FOXO1: variants seen among roughly 807,000 people sequenced by gnomAD.
FOXO1 encodes the protein forkhead box protein O1.
Under a neutral mutation model 44.1 loss-of-function variants are expected in FOXO1, and 6 were observed. The ratio of observed to expected loss-of-function variants is 0.14; its 90% CI spans 0.07 to 0.27. The LOEUF (loss-of-function observed/expected upper bound fraction) is 0.27. Among genes scored for constraint, FOXO1 ranks in the 10% least tolerant of loss-of-function variants. The probability of loss-of-function intolerance (pLI) is 1.00; values close to 1 mark genes in which losing one functional copy is unlikely to be tolerated. For synonymous variants in FOXO1, 380 were observed against 362.7 expected, an observed-to-expected ratio of 1.05 and a Z score of -0.54; for missense variants, 737 against 888.8, an observed-to-expected ratio of 0.83 and a Z score of 2.17.
rs1414177524 is a variant in FOXO1 at position 40,559,854 on chromosome 13, A to G, written c.1637T>C (p.Met546Thr). The G allele has an allele frequency of 6.2e-7, 1 of 1,614,100 alleles. No homozygotes were observed. Residue 546 changes from methionine to threonine, a missense_variant, in exon 2 of 3, where the codon ATG (methionine) becomes ACG (threonine). By Grantham distance (81) the Met-to-Thr change is moderately conservative. Around this residue, in one of 7 missense-constraint regions of FOXO1, gnomAD observed 283 missense variants for 278.1 expected, o/e 1.02. Coordinates refer to ENST00000379561, the MANE Select transcript of FOXO1 (RefSeq NM_002015.4). ...GCGGTTCATACCCGAGGTGTGGGGC[A>G]TGGTGCTTACCGTGTGGGGCAGGGG... ...GRPLPHTVST[M>T]PHTSGMNRLT...
chr13:40,580,894 C>A (rs1036382929), intron 1 of FOXO1, among the ~76,000 whole-genome samples: 1 of 152,216 alleles, frequency 6.6e-6, no homozygotes, highest in African/African-American at 2.4e-5. Context: ...CCCTGAAGAA[C>A]AAGGTGAGGC....
At chr13:40,638,418 T>C (rs1161366493) in intron 1 of FOXO1, among the ~76,000 whole-genome samples, 3 of 152,232 alleles carry the variant, frequency 2.0e-5, no homozygotes, top group Non-Finnish European at 4.4e-5. Flanking sequence ...TTGTCATTTT[T>C]AAATGTCTGT....
chr13:40,621,276 T>C lies in FOXO1; in HGVS notation c.630+44307A>G, dbSNP rs1282681667. 1.2e-5 allele frequency: 9 copies of C among 768,414 alleles called. No homozygotes were observed. In the East Asian group the frequency reaches 3.7e-4, roughly 32 times the overall value. The allele number at this position is 768,414 out of a possible 1,614,324, so 47.6% of individuals were successfully genotyped here. On this transcript the variant is annotated intron_variant, in intron 1 of 2. Coordinates refer to ENST00000379561, the MANE Select transcript of FOXO1 (RefSeq NM_002015.4). ...ATTTCATATTCATTGTACTGACCGA[T>C]GGCTCTCAGAGAATTTCACTTGTCC... is the stretch of plus-strand genomic sequence containing the variant.
intron 1 of FOXO1, among the ~76,000 whole-genome samples, chr13:40,575,840 C>T (rs572833951): frequency 2.0e-5 from 3 of 152,228 alleles, no homozygotes; most frequent in East Asian, 1.9e-4. Flanking sequence ...AAAGGAAAGG[C>T]CCTACGCTGG....
chr13:40,580,848 C>G (rs777150487), intron 1 of FOXO1, among the ~76,000 whole-genome samples: 1 of 152,188 alleles, frequency 6.6e-6, no homozygotes, highest in Non-Finnish European at 1.5e-5. Context: ...AAAATAAGTT[C>G]AAGTCCCTAA....
At chr13:40,564,959 C>T (rs1181720826) in intron 1 of FOXO1, among the ~76,000 whole-genome samples, 2 of 150,622 alleles carry the variant, frequency 1.3e-5, no homozygotes, top group African/African-American at 2.4e-5. Context: ...CGGGGAACCC[C>T]GACATGGTGT....
intron 1 of FOXO1, among the ~76,000 whole-genome samples, chr13:40,655,728 C>T (rs1877839477): frequency 6.7e-6 from 1 of 148,878 alleles, no homozygotes; most frequent in Non-Finnish European, 1.5e-5. Context: ...CTACAGCCTC[C>T]ACCTCACAGG....
intron 1 of FOXO1, among the ~76,000 whole-genome samples, chr13:40,583,705 T>C (rs1875041466): frequency 6.6e-6 from 1 of 152,252 alleles, no homozygotes; most frequent in Non-Finnish European, 1.5e-5. Context: ...AACATGGCTT[T>C]GGCTTAAAGG....
At chr13:40,567,148 G>T (rs1874301499) in intron 1 of FOXO1, among the ~76,000 whole-genome samples, 2 of 151,854 alleles carry the variant, frequency 1.3e-5, no homozygotes, top group Non-Finnish European at 2.9e-5. Context: ...TCAGCCACGG[G>T]TCTCCACACC....
chr13:40,609,422 T>C (rs773097498), intron 1 of FOXO1, among the ~76,000 whole-genome samples: 1 of 152,180 alleles, frequency 6.6e-6, no homozygotes, highest in Non-Finnish European at 1.5e-5. Context: ...AGAATGTGTA[T>C]AGAATTATGC....
chr13:40,618,140 G>T (rs1018795973), intron 1 of FOXO1, among the ~76,000 whole-genome samples: 1 of 152,036 alleles, frequency 6.6e-6, no homozygotes, highest in South Asian at 2.1e-4. Flanking sequence ...GTGCAGTGGC[G>T]CAATCTCAGC....
At chr13:40,625,903 AAG>A (rs907453761) in intron 1 of FOXO1, among the ~76,000 whole-genome samples, 1 of 152,186 alleles carries the variant, frequency 6.6e-6, no homozygotes, top group Non-Finnish European at 1.5e-5. Flanking sequence ...ATTCAAACAA[AAG>A]AGTTTTAAAT....
chr13:40,645,322 G>C (rs1448769672), intron 1 of FOXO1, among the ~76,000 whole-genome samples: 1 of 152,136 alleles, frequency 6.6e-6, no homozygotes, highest in Non-Finnish European at 1.5e-5. Flanking sequence ...ACTATGGTAA[G>C]ACAAACACAT....
chr13:40,642,763 A>G (rs754587529), intron 1 of FOXO1, among the ~76,000 whole-genome samples: 4 of 152,026 alleles, frequency 2.6e-5, no homozygotes, highest in Non-Finnish European at 5.9e-5. Context: ...TACCAAAAAT[A>G]CAAAAAAGTA....
At chr13:40,611,163 G>C (rs1395398937) in intron 1 of FOXO1, 1 of 407,382 alleles carries the variant, frequency 2.5e-6, no homozygotes, top group Non-Finnish European at 4.9e-6. Flanking sequence ...TATATTCTCA[G>C]AACAATGAGT....
chr13:40,559,994 G>T lies in FOXO1; in HGVS notation c.1497C>A (p.Gly499=). ...SRVLGQNVMM[G]PNSVMSTYGS... ...CATAGGTTGACATGACCGAATTAGG[G>T]CCCATCATGACGTTCTGGCCCAGAA... Residue 499 remains glycine, a synonymous_variant, in exon 2 of 3, where the codon GGC becomes GGA. Coordinates refer to ENST00000379561, the MANE Select transcript of FOXO1 (RefSeq NM_002015.4). The T allele has an allele frequency of 6.2e-7, 1 of 1,614,110 alleles. No individual in the cohort carries two copies. Among genetic ancestry groups the T allele is most frequent in the Non-Finnish European group, 8.5e-7 (1 of 1,180,042 alleles).
chr13:40,643,537 G>C (rs1593412397), intron 1 of FOXO1, among the ~76,000 whole-genome samples: 1 of 151,992 alleles, frequency 6.6e-6, no homozygotes. Flanking sequence ...CATGCTGCCA[G>C]GTTATTTCCC....
chr13:40,646,610 T>C (rs575616530), intron 1 of FOXO1, among the ~76,000 whole-genome samples: 1 of 152,358 alleles, frequency 6.6e-6, no homozygotes, highest in East Asian at 1.9e-4. Context: ...TTCGTTTTGT[T>C]TTGAGACGGA....
At chr13:40,619,803 T>A in intron 1 of FOXO1, 3 of 776,978 alleles carry the variant, frequency 3.9e-6, no homozygotes, top group Non-Finnish European at 7.1e-6. Context: ...CTTCACGCAC[T>A]AATTTCAGTA....
Sources: allele counts gnomAD v4.1 joint callset (sites outside exome capture counted in the v4.1 genomes callset), GRCh38; gene constraint gnomAD v4.1.1; regional missense constraint gnomAD v4.1.1; transcripts MANE v1.5; gene names NCBI Gene and HGNC (gene_info 2026-07-23, HGNC 2026-07-21).